The following DIAPH2 variants were observed in gnomAD, a reference collection of about 807,000 sequenced individuals.
The protein encoded by DIAPH2 is diaphanous related formin 2.
Under a neutral mutation model 92.7 loss-of-function variants are expected in DIAPH2, and 35 were observed. The observed-to-expected ratio is 0.38, with a 90% CI of 0.29 to 0.50. DIAPH2 has a LOEUF of 0.50. Ranked by LOEUF, DIAPH2 falls within the 20% of genes least tolerant of loss-of-function variation. The pLI, the probability that DIAPH2 is intolerant of heterozygous loss-of-function variation, is 0.94. For missense variants in DIAPH2, 701 were observed against 819.5 expected, an observed-to-expected ratio of 0.86 and a Z score of 1.77; for synonymous variants, 301 against 280.4, an observed-to-expected ratio of 1.07 and a Z score of -0.73.
chrX:97,471,843 T>G (rs768099040), intron 26 of DIAPH2, among the ~76,000 whole-genome samples: 1 of 111,243 alleles, frequency 9.0e-6, no homozygotes, highest in East Asian at 2.8e-4. Flanking sequence ...CATTAGGTTT[T>G]CTTTTCCCAG....
At chrX:96,934,574 A>T (rs1393821863) in intron 10 of DIAPH2, among the ~76,000 whole-genome samples, 3 of 111,743 alleles carry the variant, frequency 2.7e-5, no homozygotes. Context: ...AATCTTCAAG[A>T]CAACGAATTT....
At chrX:96,921,276 T>C (rs1281778437) in intron 9 of DIAPH2, among the ~76,000 whole-genome samples, 1 of 111,485 alleles carries the variant, frequency 9.0e-6, no homozygotes, top group African/African-American at 3.3e-5. Context: ...TGATAGGATT[T>C]TCATTATCTT....
intron 22 of DIAPH2, among the ~76,000 whole-genome samples, chrX:97,211,769 A>G (rs1445071110): frequency 2.7e-5 from 3 of 111,663 alleles, no homozygotes; most frequent in Non-Finnish European, 5.6e-5. Flanking sequence ...GCTGCTCTGC[A>G]GTCTAACTCT....
intron 23 of DIAPH2, among the ~76,000 whole-genome samples, chrX:97,270,321 C>T (rs2068376186): frequency 8.9e-6 from 1 of 112,168 alleles, no homozygotes; most frequent in Non-Finnish European, 1.9e-5. Flanking sequence ...GCCTCGGCCT[C>T]CCAAAGTGCT....
chrX:97,491,889 C>A (rs374747746), intron 26 of DIAPH2, among the ~76,000 whole-genome samples: 1 of 111,115 alleles, frequency 9.0e-6, no homozygotes, highest in Non-Finnish European at 1.9e-5. Flanking sequence ...TAGTTAATTT[C>A]TTTATGATTA....
chrX:97,319,792 G>A (rs1225668994), intron 23 of DIAPH2, among the ~76,000 whole-genome samples: 1 of 110,124 alleles, frequency 9.1e-6, no homozygotes, highest in Non-Finnish European at 1.9e-5. Flanking sequence ...GATGGGACAT[G>A]ATAAATATAA....
At chrX:97,350,081 G>A (rs938805151) in intron 24 of DIAPH2, among the ~76,000 whole-genome samples, 8 of 110,141 alleles carry the variant, frequency 7.3e-5, no homozygotes, top group African/African-American at 9.9e-5. Flanking sequence ...AGGCCGAGGC[G>A]GGTGGATCAC....
Position 96,738,713 on chromosome X carries a change from C to T in DIAPH2, c.293C>T (p.Ser98Phe), listed in dbSNP as rs751649835. ...GCTCAGCCATTATATGATGAACGAT[C>T]TTTGAATTTGTCAGAAAAGGAAGTA... ...PAAQPLYDERSLNLSEKEVLD... is the reference protein window; with the variant it reads ...PAAQPLYDERFLNLSEKEVLD... The change falls in exon 3 of 27, where the codon TCT becomes TTT. Residue 98 changes from serine (S) to phenylalanine (F), a missense_variant. Physicochemically the swap from Ser to Phe is radical, Grantham distance 155 (BLOSUM62 -2). Coordinates refer to ENST00000324765, the MANE Select transcript of DIAPH2 (RefSeq NM_006729.5). 5.0e-6 allele frequency: 6 copies of T among 1,208,605 alleles called. No homozygotes were observed. The South Asian group carries it at 5.3e-5, about 11-fold the overall frequency.
At chrX:97,067,520 T>A (rs2066641874) in intron 17 of DIAPH2, among the ~76,000 whole-genome samples, 1 of 111,952 alleles carries the variant, frequency 8.9e-6, no homozygotes, top group Admixed American at 9.5e-5. Context: ...AACATTAAAG[T>A]TAAAATGGAA....
At chrX:97,539,104 G>A (rs760435773) in intron 26 of DIAPH2, among the ~76,000 whole-genome samples, 4 of 111,507 alleles carry the variant, frequency 3.6e-5, no homozygotes, top group South Asian at 3.8e-4. Context: ...TTTGTAACCC[G>A]ATCAAAAGAA....
At chrX:97,264,801 T>G (rs998279626) in intron 23 of DIAPH2, among the ~76,000 whole-genome samples, 6 of 111,424 alleles carry the variant, frequency 5.4e-5, no homozygotes, top group Admixed American at 3.8e-4. Context: ...CTGGCCAAGA[T>G]GGTGAAACCT....
intron 5 of DIAPH2, among the ~76,000 whole-genome samples, chrX:96,888,581 CTA>C (rs72073544): frequency 3.3e-5 from 3 of 92,046 alleles, no homozygotes; most frequent in African/African-American, 1.2e-4. Context: ...ATATATATAT[CTA>C]TATATATACA....
intron 23 of DIAPH2, among the ~76,000 whole-genome samples, chrX:97,342,132 G>A (rs1045601261): frequency 5.4e-5 from 6 of 112,112 alleles, no homozygotes. Context: ...TATTTAAGAT[G>A]TTCAGATTGA....
intron 17 of DIAPH2, among the ~76,000 whole-genome samples, chrX:97,023,397 T>C (rs1398459776): frequency 2.7e-5 from 3 of 111,964 alleles, no homozygotes; most frequent in Non-Finnish European, 5.6e-5. Context: ...GTGCTTGCTA[T>C]GTACCAGACA....
At chrX:96,700,386 C>T (rs564903729) in intron 1 of DIAPH2, among the ~76,000 whole-genome samples, 2 of 112,299 alleles carry the variant, frequency 1.8e-5, no homozygotes, top group African/African-American at 6.5e-5. Context: ...GCTTTGTTTG[C>T]CTTCCATCTC....
At chrX:96,816,283 TG>T (rs2064734180) in intron 4 of DIAPH2, among the ~76,000 whole-genome samples, 2 of 112,109 alleles carry the variant, frequency 1.8e-5, no homozygotes, top group African/African-American at 6.5e-5. Flanking sequence ...AATGCTGCAA[TG>T]AACATGGGAG....
intron 19 of DIAPH2, among the ~76,000 whole-genome samples, chrX:97,099,182 C>T (rs1223011709): frequency 4.5e-5 from 5 of 110,399 alleles, no homozygotes; most frequent in African/African-American, 1.6e-4. Flanking sequence ...ATTCTAAACA[C>T]GGTGAAACCC....
intron 17 of DIAPH2, among the ~76,000 whole-genome samples, chrX:96,975,652 C>T (rs1367842708): frequency 1.8e-5 from 2 of 111,723 alleles, no homozygotes; most frequent in Non-Finnish European, 3.8e-5. Context: ...AGCTTATAAA[C>T]AACAGAAATT....
chrX:96,919,394 C>G (rs990669885), intron 9 of DIAPH2, among the ~76,000 whole-genome samples: 10 of 111,795 alleles, frequency 8.9e-5, no homozygotes, highest in Non-Finnish European at 1.5e-4. Flanking sequence ...TTTTAAGTGT[C>G]ACAGTCGGAA....
Sources: allele counts gnomAD v4.1 joint callset (sites outside exome capture counted in the v4.1 genomes callset), GRCh38; gene constraint gnomAD v4.1.1; transcripts MANE v1.5; gene names NCBI Gene and HGNC (gene_info 2026-07-23, HGNC 2026-07-21).